Variants in LMNTD1 observed in about 807,000 individuals in gnomAD.
The protein encoded by LMNTD1 is lamin tail domain-containing protein 1.
LMNTD1 carries 35 observed loss-of-function variants against 50.9 expected under a neutral mutation model. The observed-to-expected ratio is 0.69, with a 90% CI of 0.53 to 0.91. LMNTD1 has a LOEUF of 0.91. Ranked by LOEUF, LMNTD1 falls within the 40% of genes least tolerant of loss-of-function variation. LMNTD1 has a pLI of 0.00. For synonymous variants in LMNTD1, 153 were observed against 161.9 expected, an observed-to-expected ratio of 0.94 and a Z score of 0.42; for missense variants, 470 against 475.5, an observed-to-expected ratio of 0.99 and a Z score of 0.11.
chr12:25,605,519 A>G (rs904552055), intron 1 of LMNTD1, among the ~76,000 whole-genome samples: 2 of 152,108 alleles, frequency 1.3e-5, no homozygotes, highest in African/African-American at 2.4e-5. Flanking sequence ...TAATTTTTGT[A>G]TAAGGTGTAA....
chr12:25,533,583 T>A (rs1201103252), intron 4 of LMNTD1, among the ~76,000 whole-genome samples: 1 of 152,186 alleles, frequency 6.6e-6, no homozygotes, highest in Non-Finnish European at 1.5e-5. Context: ...ATTTCCTATA[T>A]AGGTGTTTGT....
Position 25,574,868 on chromosome 12 carries a change from T to A in LMNTD1, c.59-28314A>T, listed in dbSNP as rs142615371. On this transcript the variant is annotated intron_variant, in intron 1 of 7. Transcript: ENST00000445693. ...GTAATTATAGCTTTGGTACAATCTC[T>A]ACTCACAAATTACATCTTGATGAAA... is the stretch of plus-strand genomic sequence containing the variant. Among the ~76,000 whole-genome samples the A allele has an allele frequency of 2.2e-3, 328 of 152,318 alleles. 1 individual carries two copies. The highest frequency in any genetic ancestry group is 7.6e-3 in the African/African-American group (315 of 41,578).
intron 1 of LMNTD1, among the ~76,000 whole-genome samples, chr12:25,578,460 T>C (rs908864645): frequency 6.6e-6 from 1 of 152,182 alleles, no homozygotes; most frequent in East Asian, 1.9e-4. Context: ...CAAATAAAAG[T>C]AAAATATGAT....
At chr12:25,520,170 A>ATATATATATATATATATATG (rs1326454338) in intron 6 of LMNTD1, 95 bp from the exon 7 acceptor site, 4 of 221,038 alleles carry the variant, frequency 1.8e-5, no homozygotes, top group African/African-American at 9.5e-5. Context: ...ATATATATAT[A>ATATATATATATATATATATG]TATATAGTAA....
chr12:25,538,503 C>T (rs1202675417), intron 4 of LMNTD1, among the ~76,000 whole-genome samples: 2 of 141,900 alleles, frequency 1.4e-5, no homozygotes, highest in Admixed American at 1.4e-4. Context: ...AAATAAAATA[C>T]TTTATAGACA....
At chr12:25,578,273 G>A (rs1321516980) in intron 1 of LMNTD1, among the ~76,000 whole-genome samples, 1 of 152,128 alleles carries the variant, frequency 6.6e-6, no homozygotes, top group Non-Finnish European at 1.5e-5. Flanking sequence ...GGGAGGAGGA[G>A]CAAAGGTGAT....
chr12:25,532,980 T>G (rs1343803630), intron 4 of LMNTD1, among the ~76,000 whole-genome samples: 2 of 152,216 alleles, frequency 1.3e-5, no homozygotes, highest in African/African-American at 4.8e-5. Flanking sequence ...CAGCTATTCC[T>G]TTGTTATTAT....
At chr12:25,570,524 T>C (rs905895120) in intron 1 of LMNTD1, among the ~76,000 whole-genome samples, 4 of 152,178 alleles carry the variant, frequency 2.6e-5, no homozygotes, top group Non-Finnish European at 4.4e-5. Flanking sequence ...TGTACTTTTC[T>C]GGCATGCATC....
intron 1 of LMNTD1, among the ~76,000 whole-genome samples, chr12:25,566,066 C>T (rs374010401): frequency 2.6e-5 from 4 of 152,040 alleles, no homozygotes; most frequent in African/African-American, 4.8e-5. Context: ...AATACCTTGA[C>T]GTAGTCTTCT....
intron 1 of LMNTD1, among the ~76,000 whole-genome samples, chr12:25,611,947 G>A (rs1479214203): frequency 6.6e-6 from 1 of 152,122 alleles, no homozygotes; most frequent in Non-Finnish European, 1.5e-5. Flanking sequence ...TCTGTGTGGT[G>A]GAATTTAAGA....
chr12:25,493,183 C>A (rs1938943892), intron 9 of LMNTD1, among the ~76,000 whole-genome samples: 1 of 152,158 alleles, frequency 6.6e-6, no homozygotes, highest in South Asian at 2.1e-4. Context: ...TCTATGACTT[C>A]TTTAAAGGTA....
At position 25,577,535 on chromosome 12, in the gene LMNTD1, T is replaced by C. The variant is rs553127057; in HGVS notation, c.59-30981A>G. 9.2e-5 allele frequency among the ~76,000 whole-genome samples: 14 copies of C among 152,306 alleles called. No individual in the cohort carries two copies. The East Asian group carries it at 1.7e-3, about 19-fold the overall frequency. On this transcript the variant is annotated intron_variant, in intron 1 of 7. Coordinates refer to the LMNTD1 transcript ENST00000445693. The stretch of plus-strand genomic sequence containing the variant: ...TTGTGAATTTTGCACATTGATTTTG[T>C]ACCCTGAGACTTTGCTGAAGTTGCT...
At chr12:25,506,590 T>A (rs902620606) in intron 8 of LMNTD1, among the ~76,000 whole-genome samples, 20 of 151,848 alleles carry the variant, frequency 1.3e-4, no homozygotes, top group Non-Finnish European at 2.1e-4. Context: ...TCTCTAGGTG[T>A]AGGATGAATA....
At chr12:25,580,650 G>T (rs1401907333) in intron 1 of LMNTD1, among the ~76,000 whole-genome samples, 2 of 152,138 alleles carry the variant, frequency 1.3e-5, no homozygotes, top group Non-Finnish European at 2.9e-5. Flanking sequence ...AAATTTGCCT[G>T]ATCTATACCA....
chr12:25,527,675 TATATATACACACACACACAC>T lies in LMNTD1; in HGVS notation c.492-740_492-721del, dbSNP rs1296606090. 2.3e-4 allele frequency among the ~76,000 whole-genome samples: 5 copies of T among 21,996 alleles called. No homozygotes were observed. The East Asian group carries it at 0.029, about 129-fold the overall frequency. 14.4% of individuals were successfully genotyped at this position (21,996 alleles called of 152,430 possible). On this transcript the variant is annotated intron_variant, in intron 4 of 9. Transcript: ENST00000458174. ...ATATATATATATATATATATATATA[TATATATACACACACACACAC>T]ACACACACACACACACACACACACA...
chr12:25,553,866 G>A (rs1278908463), upstream of LMNTD1, among the ~76,000 whole-genome samples: 1 of 152,140 alleles, frequency 6.6e-6, no homozygotes, highest in Non-Finnish European at 1.5e-5. Context: ...ATTACTGGAT[G>A]AGTAAGCTTA....
intron 1 of LMNTD1, among the ~76,000 whole-genome samples, chr12:25,645,892 T>C (rs1947060598): frequency 6.6e-6 from 1 of 152,198 alleles, no homozygotes; most frequent in African/African-American, 2.4e-5. Flanking sequence ...AGGAGCCATG[T>C]CACTACTGCT....
chr12:25,597,497 G>C (rs1327950251), intron 1 of LMNTD1, among the ~76,000 whole-genome samples: 8 of 152,012 alleles, frequency 5.3e-5, no homozygotes, highest in Non-Finnish European at 1.0e-4. Flanking sequence ...GAAGCACCCA[G>C]ATATACAAAG....
intron 1 of LMNTD1, among the ~76,000 whole-genome samples, chr12:25,564,329 G>T (rs1327535339): frequency 6.6e-6 from 1 of 152,168 alleles, no homozygotes; most frequent in East Asian, 1.9e-4. Flanking sequence ...CACAATCTCG[G>T]CTGACTGCAA....
Sources: allele counts gnomAD v4.1 joint callset (sites outside exome capture counted in the v4.1 genomes callset), GRCh38; gene constraint gnomAD v4.1.1; transcripts MANE v1.5; gene names NCBI Gene and HGNC (gene_info 2026-07-23, HGNC 2026-07-21).